The following SLC9A9 variants were observed in gnomAD, a reference collection of about 807,000 sequenced individuals.
SLC9A9 encodes solute carrier family 9 member A9, also known as sodium/hydrogen exchanger 9.
A neutral mutation model predicts 77.8 loss-of-function variants in SLC9A9; 62 were observed. The observed-to-expected ratio is 0.80, with a 90% CI of 0.65 to 0.98. The LOEUF is 0.98. Among genes scored for constraint, SLC9A9 ranks in the 50% least tolerant of loss-of-function variants. SLC9A9 has a pLI of 0.00. For synonymous variants in SLC9A9, 320 were observed against 283.5 expected (o/e 1.13, Z -1.29); for missense variants, 775 against 774.9 (o/e 1.00, Z 0.00).
intron 9 of SLC9A9, chr3:143,503,175 G>A (rs1000005977): frequency 1.1e-5 from 2 of 175,180 alleles, no homozygotes; most frequent in African/African-American, 4.8e-5. Context: ...GTCTAGAAGG[G>A]GAGATTCTCA....
At chr3:143,530,723 G>C (rs1167060251) in intron 9 of SLC9A9, among the ~76,000 whole-genome samples, 1 of 152,020 alleles carries the variant, frequency 6.6e-6, no homozygotes, top group East Asian at 1.9e-4. Flanking sequence ...GAAGAAAAAG[G>C]AGACAAAATC....
chr3:143,587,199 G>A (rs1198809767), intron 6 of SLC9A9, among the ~76,000 whole-genome samples: 1 of 152,176 alleles, frequency 6.6e-6, no homozygotes. Context: ...AATATTTATT[G>A]AACATCTACT....
chr3:143,562,597 C>T (rs2037105480), intron 8 of SLC9A9, among the ~76,000 whole-genome samples: 1 of 151,442 alleles, frequency 6.6e-6, no homozygotes, highest in Non-Finnish European at 1.5e-5. Context: ...AGGTATTTAT[C>T]TTGCATGTTT....
intron 13 of SLC9A9, among the ~76,000 whole-genome samples, chr3:143,370,562 T>C (rs13086782): frequency 0.52 from 62,743 of 120,872 alleles, 13,449 homozygotes; most frequent in African/African-American, 0.57. Context: ...TATATGCATG[T>C]GCGCGCACAC....
chr3:143,701,889 G>C (rs1933811286), intron 4 of SLC9A9, among the ~76,000 whole-genome samples: 1 of 152,096 alleles, frequency 6.6e-6, no homozygotes, highest in South Asian at 2.1e-4. Context: ...AAAAGTCAAG[G>C]ATAAAGAAAG....
intron 9 of SLC9A9, among the ~76,000 whole-genome samples, chr3:143,518,427 G>A (rs564514806): frequency 1.3e-5 from 2 of 152,264 alleles, no homozygotes; most frequent in South Asian, 2.1e-4. Context: ...ATATCTATAT[G>A]CTCCTCATAC....
At chr3:143,625,491 C>A (rs1015942482) in intron 6 of SLC9A9, among the ~76,000 whole-genome samples, 5 of 152,082 alleles carry the variant, frequency 3.3e-5, no homozygotes, top group Admixed American at 6.5e-5. Context: ...CTTTGACAAA[C>A]CTGACAAAAA....
intron 14 of SLC9A9, among the ~76,000 whole-genome samples, chr3:143,354,032 G>T (rs555202696): frequency 6.6e-6 from 1 of 152,098 alleles, no homozygotes; most frequent in Non-Finnish European, 1.5e-5. Context: ...AGGGTTTCAC[G>T]CTTGACTTCA....
In SLC9A9 at chr3:143,268,978, T is replaced by TA. The variant is rs747912259; in HGVS notation, c.1606dup (p.Tyr536LeufsTer19). Reference sequence around the variant, plus strand: ...AGAGTGGGTTAAAATTGGTTTCAGATACCTGGGAGGCCTGTTAAGGAATAC... The same window carrying TA: ...AGAGTGGGTTAAAATTGGTTTCAGATAACCTGGGAGGCCTGTTAAGGAATAC... On this transcript the variant is annotated frameshift_variant and splice_region_variant, in exon 15 of 16. Transcript: ENST00000316549. LOFTEE classifies it high-confidence loss of function. 1.2e-6 allele frequency: 2 copies of TA among 1,608,194 alleles called. No homozygotes were observed. The highest frequency in any genetic ancestry group is 8.5e-7 in the Non-Finnish European group (1 of 1,174,822).
chr3:143,562,171 G>A (rs2108647191), intron 8 of SLC9A9, among the ~76,000 whole-genome samples: 1 of 152,364 alleles, frequency 6.6e-6, no homozygotes, highest in South Asian at 2.1e-4. Flanking sequence ...GCCTCAAGCA[G>A]CTTTATGTCT....
intron 4 of SLC9A9, among the ~76,000 whole-genome samples, chr3:143,699,337 A>T (rs1419672671): frequency 6.6e-6 from 1 of 152,196 alleles, no homozygotes; most frequent in East Asian, 1.9e-4. Flanking sequence ...TACACAAAAA[A>T]AAAGCAACTT....
At chr3:143,577,594 A>T (rs2037381979) in intron 7 of SLC9A9, among the ~76,000 whole-genome samples, 2 of 152,148 alleles carry the variant, frequency 1.3e-5, no homozygotes, top group Admixed American at 1.3e-4. Context: ...TGTAGAGCTC[A>T]TCTTTCTAAG....
intron 9 of SLC9A9, among the ~76,000 whole-genome samples, chr3:143,552,067 TG>T (rs1179323645): frequency 6.6e-6 from 1 of 152,232 alleles, no homozygotes; most frequent in African/African-American, 2.4e-5. Flanking sequence ...TGCTTTTAGA[TG>T]TAAGTGACTG....
At chr3:143,768,609 G>A (rs1214674450) in intron 4 of SLC9A9, among the ~76,000 whole-genome samples, 1 of 152,122 alleles carries the variant, frequency 6.6e-6, no homozygotes, top group Non-Finnish European at 1.5e-5. Flanking sequence ...CATACAATAA[G>A]ACACATAGAT....
chr3:143,698,091 T>C (rs531805918), intron 4 of SLC9A9: 1 of 152,604 alleles, frequency 6.6e-6, no homozygotes, highest in East Asian at 1.9e-4. Context: ...GAGTGGTATA[T>C]TCTTTCTGTC....
At chr3:143,683,878 A>T (rs980888767) in intron 5 of SLC9A9, among the ~76,000 whole-genome samples, 3 of 152,104 alleles carry the variant, frequency 2.0e-5, no homozygotes, top group African/African-American at 7.2e-5. Flanking sequence ...AGAATCATGG[A>T]AATTCATTAT....
rs1037856027 is a variant in SLC9A9 at position 143,495,260 on chromosome 3, T to G, written c.1203+75A>C. 3.1e-5 allele frequency: 40 copies of G among 1,286,352 alleles called. No homozygotes were observed. The South Asian group carries it at 4.6e-4, about 15-fold the overall frequency. The allele number at this position is 1,286,352 out of a possible 1,614,324, so 79.7% of individuals were successfully genotyped here. A position where few individuals can be genotyped will look rare whatever the true frequency, so the allele number is the denominator to read the frequency against. ...ACTTTAGGAAAGTGCTTTAATGATTTAACAGAATAATTCGTAAAAGTAAGT... is the reference window on the plus strand; with the variant it reads ...ACTTTAGGAAAGTGCTTTAATGATTGAACAGAATAATTCGTAAAAGTAAGT... On this transcript the variant is annotated intron_variant, in intron 10 of 15. Transcript: ENST00000316549.
In SLC9A9 at chr3:143,729,597, A is replaced by G. The variant is rs1934750311; in HGVS notation, c.534-36290T>C. On this transcript the variant is annotated intron_variant, in intron 4 of 15. Transcript: ENST00000316549. ...CAGGAGACAAAGCAAATACATAACA[A>G]ATGAAATCCAGACTCCTTGGGATGG... Among the ~76,000 whole-genome samples, 3 of 152,188 alleles carry G rather than the reference A, an allele frequency of 2.0e-5. No homozygotes were observed. The South Asian group carries it at 6.2e-4, about 32-fold the overall frequency.
rs575514730 is a variant in SLC9A9, at chr3:143,337,169, T to TATTA, written c.1604+26311_1604+26314dup. Among the ~76,000 whole-genome samples, 1,031 of 152,288 alleles carry TATTA rather than the reference T, an allele frequency of 6.8e-3. 7 individuals carry two copies. The highest frequency in any genetic ancestry group is 0.024 in the African/African-American group (985 of 41,548). On this transcript the variant is annotated intron_variant, in intron 14 of 15. Coordinates refer to ENST00000316549, the MANE Select transcript of SLC9A9 (RefSeq NM_173653.4). Reference sequence around the variant, plus strand: ...TGAGTCCCTACCATGAGCAAAGAGCTATTAAATTGCTTGCTCAATACCAAG... The same window carrying TATTA: ...TGAGTCCCTACCATGAGCAAAGAGCTATTAATTAAATTGCTTGCTCAATACCAAG...
Sources: allele counts gnomAD v4.1 joint callset (sites outside exome capture counted in the v4.1 genomes callset), GRCh38; gene constraint gnomAD v4.1.1; transcripts MANE v1.5; gene names NCBI Gene and HGNC (gene_info 2026-07-23, HGNC 2026-07-21).